Variants in GSG1L2 observed in about 807,000 individuals in gnomAD.
The protein encoded by GSG1L2 is GSG1 like 2, also known as germ cell-specific gene 1-like protein 2.
In GSG1L2, 15 loss-of-function variants were observed where a neutral mutation model predicts 9.0. That is an observed-to-expected ratio of 1.67 (90% CI 1.12 to 2.57). The LOEUF is 2.57. GSG1L2 is among the 30% of genes most tolerant of loss of function. The pLI, the probability that GSG1L2 is intolerant of heterozygous loss-of-function variation, is 0.00. For missense variants in GSG1L2, 286 were observed against 150.3 expected (o/e 1.90, Z -4.72); for synonymous variants, 127 against 57.9 (o/e 2.19, Z -5.41).
At chr17:9,816,350 G>C (rs1385393840) in intron 1 of GSG1L2, among the ~76,000 whole-genome samples, 2 of 150,378 alleles carry the variant, frequency 1.3e-5, no homozygotes, top group African/African-American at 2.5e-5. Flanking sequence ...AAATGTGCAC[G>C]TGCACGCGTA....
chr17:9,821,623 C>T (rs2066589961), intron 1 of GSG1L2, 139 bp downstream of exon 1: 1 of 627,780 alleles, frequency 1.6e-6, no homozygotes. Flanking sequence ...CAAACCCAGA[C>T]AGCCTGGCTC....
chr17:9,813,205 G>C (rs763093837), intron 1 of GSG1L2, among the ~76,000 whole-genome samples: 1 of 152,146 alleles, frequency 6.6e-6, no homozygotes, highest in African/African-American at 2.4e-5. Flanking sequence ...GCCCATGCTC[G>C]TGAATTTCCA....
At chr17:9,819,487 CT>C (rs2066580499) in intron 1 of GSG1L2, among the ~76,000 whole-genome samples, 1 of 152,162 alleles carries the variant, frequency 6.6e-6, no homozygotes, top group African/African-American at 2.4e-5. Context: ...AGAAGAAACA[CT>C]TAAGTTAACT....
intron 1 of GSG1L2, among the ~76,000 whole-genome samples, chr17:9,816,497 T>G (rs2066561896): frequency 6.6e-6 from 1 of 150,378 alleles, no homozygotes; most frequent in South Asian, 2.1e-4. Context: ...CATGTGTCTG[T>G]GTGTGCCTGT....
intron 1 of GSG1L2, among the ~76,000 whole-genome samples, chr17:9,812,385 C>T (rs1448071085): frequency 6.6e-6 from 1 of 152,090 alleles, no homozygotes; most frequent in Non-Finnish European, 1.5e-5. Flanking sequence ...CTTTTATGTC[C>T]TCTCTCCATC....
chr17:9,803,642 T>G (rs1226567736), intron 4 of GSG1L2: 1 of 152,214 alleles, frequency 6.6e-6, no homozygotes, highest in African/African-American at 2.4e-5. Flanking sequence ...CCAGAGACAC[T>G]TCCCAATGGA....
Position 9,821,879 on chromosome 17 carries a change from T to A in GSG1L2, c.193A>T (p.Met65Leu). The change falls in exon 1 of 5, where the codon ATG (methionine) becomes TTG (leucine). Residue 65 changes from methionine to leucine, a missense_variant. Physicochemically the swap from Met to Leu is conservative, Grantham distance 15. Transcript: ENST00000399363. The part of the protein sequence containing the change: ...FKRDNSSNGR[M>L]DNNSQAVLYI... The stretch of plus-strand genomic sequence containing the variant: ...AGGACAGCCTGGCTATTGTTGTCCA[T>A]CCTGCCATTGCTGCTGTTGTCCCGT... The A allele has an allele frequency of 4.3e-6, 3 of 703,328 alleles. No individual in the cohort carries two copies. The highest frequency in any genetic ancestry group is 7.8e-6 in the Non-Finnish European group (3 of 385,062). The allele number at this position is 703,328 out of a possible 1,614,324, so 43.6% of individuals were successfully genotyped here. A position where few individuals can be genotyped will look rare whatever the true frequency, so the allele number is the denominator to read the frequency against.
intron 1 of GSG1L2, among the ~76,000 whole-genome samples, chr17:9,811,541 G>A (rs997287342): frequency 6.6e-6 from 1 of 152,154 alleles, no homozygotes; most frequent in Non-Finnish European, 1.5e-5. Context: ...TGGTTTAGGG[G>A]GTGACAGATG....
At chr17:9,816,494 CTG>C (rs2066561882) in intron 1 of GSG1L2, among the ~76,000 whole-genome samples, 1 of 115,016 alleles carries the variant, frequency 8.7e-6, no homozygotes, top group Non-Finnish European at 1.8e-5. Flanking sequence ...GTGCATGTGT[CTG>C]TGTGTGCCTG....
Position 9,802,504 on chromosome 17 carries a change from G to A in GSG1L2, c.764C>T (p.Pro255Leu), listed in dbSNP as rs1201775855. 8.5e-6 allele frequency: 6 copies of A among 702,692 alleles called. No individual in the cohort carries two copies. Among genetic ancestry groups the A allele is most frequent in the Non-Finnish European group, 1.6e-5 (6 of 384,972 alleles). 43.5% of individuals were successfully genotyped at this position (702,692 alleles called of 1,614,324 possible). A position where few individuals can be genotyped will look rare whatever the true frequency, so the allele number is the denominator to read the frequency against. ...TTTCCAAATGCTCTCCGAAGCCTCG[G>A]GTTCCAGGAAGCTGTGTTGAGAGTG... ...SRHSQHSFLE[P>L]EASESIWKTG... Residue 255 changes from proline (P) to leucine (L), a missense_variant, in exon 5 of 5, where the codon CCC becomes CTC. By Grantham distance (98) the Pro-to-Leu change is moderately conservative. Coordinates refer to ENST00000399363, the MANE Select transcript of GSG1L2 (RefSeq NM_001310219.2).
At position 9,801,169 on chromosome 17, in the gene GSG1L2, A is replaced by T. The variant is rs577504099; in HGVS notation, c.*1217T>A. On this transcript the variant is annotated 3_prime_UTR_variant, in exon 5 of 5. Coordinates refer to ENST00000399363, the MANE Select transcript of GSG1L2 (RefSeq NM_001310219.2). ...TTAAAATGGATCTGAGCAAGGACAT[A>T]TTGAAGGTTGTTAGAGTTTGCAGTC... 6.6e-6 allele frequency among the ~76,000 whole-genome samples: 1 copy of T among 152,080 alleles called. No homozygotes were observed. The highest frequency in any genetic ancestry group is 1.5e-5 in the Non-Finnish European group (1 of 67,992).
In GSG1L2 at chr17:9,800,742, C is replaced by T. The variant is rs1033264975; in HGVS notation, c.*1644G>A. Among the ~76,000 whole-genome samples, 2 of 152,168 alleles carry T rather than the reference C, an allele frequency of 1.3e-5. No homozygotes were observed. Among genetic ancestry groups the T allele is most frequent in the Non-Finnish European group, 2.9e-5 (2 of 68,038 alleles). ...GTAAGATGAGACTTTGACCTGATAT[C>T]GTGACAGTCACACAGGACCTGCCTA... On this transcript the variant is annotated 3_prime_UTR_variant, in exon 5 of 5. Transcript: ENST00000399363.
intron 1 of GSG1L2, among the ~76,000 whole-genome samples, chr17:9,816,924 G>C (rs200318337): frequency 2.3e-4 from 10 of 44,066 alleles, no homozygotes; most frequent in African/African-American, 9.2e-4. Context: ...GTGTGTGTGT[G>C]TGTGTGTGTG....
At chr17:9,819,969 A>G (rs936941345) in intron 1 of GSG1L2, among the ~76,000 whole-genome samples, 6 of 151,604 alleles carry the variant, frequency 4.0e-5, no homozygotes, top group Non-Finnish European at 7.4e-5. Flanking sequence ...CATGCCTGTA[A>G]TCCCAGCTTC....
chr17:9,821,661 T>C, intron 1 of GSG1L2, 101 bp downstream of exon 1: 1 of 654,530 alleles, frequency 1.5e-6, no homozygotes, highest in Non-Finnish European at 2.8e-6. Context: ...CCCGCACCTG[T>C]TACCCCCAGA....
chr17:9,809,101 G>GA (rs1415301018), intron 2 of GSG1L2, 119 bp from the exon 3 acceptor site: 8 of 623,618 alleles, frequency 1.3e-5, no homozygotes, highest in Admixed American at 4.6e-5. Flanking sequence ...ACGCTGGAGT[G>GA]AAAATCACAG....
In GSG1L2 at chr17:9,813,769, G is replaced by A. The variant is rs140302775; in HGVS notation, c.311-3151C>T. Among the ~76,000 whole-genome samples the A allele has an allele frequency of 1.7e-3, 253 of 152,288 alleles. 1 individual carries two copies. Among genetic ancestry groups the A allele is most frequent in the African/African-American group, 5.8e-3 (242 of 41,552 alleles). The stretch of plus-strand genomic sequence containing the variant: ...AGATGGATACCATGGGCAATGTGTG[G>A]CATTTACATCCACAACGCCTGGCAT... On this transcript the variant is annotated intron_variant, in intron 1 of 4. Coordinates refer to ENST00000399363, the MANE Select transcript of GSG1L2 (RefSeq NM_001310219.2).
chr17:9,808,766 G>A, intron 3 of GSG1L2, 64 bp downstream of exon 3: 1 of 688,682 alleles, frequency 1.5e-6, no homozygotes, highest in Admixed American at 2.0e-5. Flanking sequence ...TAATGAGCAT[G>A]TCCAGTCTGA....
chr17:9,816,874 G>GTATC (rs1322155429), intron 1 of GSG1L2, among the ~76,000 whole-genome samples: 3 of 127,942 alleles, frequency 2.3e-5, no homozygotes, highest in African/African-American at 9.1e-5. Flanking sequence ...GTGTGTCTGT[G>GTATC]TGTGTATCTG....
Sources: allele counts gnomAD v4.1 joint callset (sites outside exome capture counted in the v4.1 genomes callset), GRCh38; gene constraint gnomAD v4.1.1; transcripts MANE v1.5; gene names NCBI Gene and HGNC (gene_info 2026-07-23, HGNC 2026-07-21).